CABIN1: variants seen among roughly 807,000 people sequenced by gnomAD.
CABIN1 encodes calcineurin-binding protein cabin-1.
Under a neutral mutation model 227.7 loss-of-function variants are expected in CABIN1, and 133 were observed. That is an observed-to-expected ratio of 0.58 (90% confidence interval 0.51 to 0.67). The LOEUF (loss-of-function observed/expected upper bound fraction) is 0.67, where lower values mean the gene tolerates loss of function less well. Ranked by LOEUF, CABIN1 falls within the 30% of genes least tolerant of loss-of-function variation. The pLI is 0.00. For synonymous variants in CABIN1, 1,086 were observed against 1,155.1 expected, an observed-to-expected ratio of 0.94 and a Z score of 1.21; for missense variants, 2,408 against 2,852.5, an observed-to-expected ratio of 0.84 and a Z score of 3.55.
intron 29 of CABIN1, among the ~76,000 whole-genome samples, chr22:24,163,529 A>ATTCTGGGCAGCAGTTT (rs2046275033): frequency 6.6e-6 from 1 of 152,124 alleles, no homozygotes; most frequent in Admixed American, 6.5e-5. Context: ...ACCTTGGTCC[A>ATTCTGGGCAGCAGTTT]TTCTGGGCAG....
At chr22:24,120,965 G>A (rs962930437) in intron 28 of CABIN1, among the ~76,000 whole-genome samples, 2 of 152,208 alleles carry the variant, frequency 1.3e-5, no homozygotes, top group African/African-American at 4.8e-5. Context: ...GACCTGTATT[G>A]TAGGGGACAG....
chr22:24,149,120 A>G (rs1467737390), intron 29 of CABIN1, among the ~76,000 whole-genome samples: 1 of 152,192 alleles, frequency 6.6e-6, no homozygotes, highest in Non-Finnish European at 1.5e-5. Context: ...GCAGCTGACA[A>G]GTGCTCCTGG....
intron 28 of CABIN1, among the ~76,000 whole-genome samples, chr22:24,126,427 C>T (rs1195302119): frequency 6.6e-6 from 1 of 152,138 alleles, no homozygotes; most frequent in African/African-American, 2.4e-5. Context: ...CAGATGGACA[C>T]ACACCCAAAA....
chr22:24,168,249 G>A (rs934734305), intron 32 of CABIN1, among the ~76,000 whole-genome samples, 198 bp from the exon 33 acceptor site: 2 of 152,254 alleles, frequency 1.3e-5, no homozygotes, highest in Non-Finnish European at 2.9e-5. Context: ...TACCCACGAA[G>A]AGCTGGGACG....
At chr22:24,118,397 C>G (rs754573513) in intron 27 of CABIN1, among the ~76,000 whole-genome samples, 75 of 152,274 alleles carry the variant, frequency 4.9e-4, no homozygotes, top group Non-Finnish European at 4.6e-4. Flanking sequence ...ACTTAGCATG[C>G]GGAGAACTGG....
At chr22:24,051,607 C>G (rs1171760732) in intron 8 of CABIN1, among the ~76,000 whole-genome samples, 3 of 152,118 alleles carry the variant, frequency 2.0e-5, no homozygotes, top group African/African-American at 7.2e-5. Context: ...TTAGCAGTAG[C>G]ATTCCATTTC....
At position 24,136,524 on chromosome 22, in the gene CABIN1, A is replaced by ATTTTTTTTTTTTTT. The variant is rs145864566; in HGVS notation, c.4746+2120_4746+2133dup. On this transcript the variant is annotated intron_variant, in intron 29 of 36. Transcript: ENST00000263119. Reference sequence around the variant, plus strand: ...ACTGCCACGCCCAGCTAATTTTTGTATTTTTTTTTTTTTTTTTTTTTTTTA... The same window carrying ATTTTTTTTTTTTTT: ...ACTGCCACGCCCAGCTAATTTTTGTATTTTTTTTTTTTTTTTTTTTTTTTTTTTTTTTTTTTTTA... Among the ~76,000 whole-genome samples the ATTTTTTTTTTTTTT allele has an allele frequency of 5.7e-3, 401 of 69,856 alleles. 35 individuals are homozygous for ATTTTTTTTTTTTTT. Among genetic ancestry groups the ATTTTTTTTTTTTTT allele is most frequent in the African/African-American group, 0.014 (238 of 16,468 alleles). The allele number at this position is 69,856 out of a possible 152,430, so 45.8% of individuals were successfully genotyped here. A position where few individuals can be genotyped will look rare whatever the true frequency, so the allele number is the denominator to read the frequency against.
chr22:24,155,140 C>A (rs1157647808), intron 29 of CABIN1, among the ~76,000 whole-genome samples: 3 of 152,100 alleles, frequency 2.0e-5, no homozygotes, highest in Non-Finnish European at 2.9e-5. Flanking sequence ...GAGGAGCAGC[C>A]AGGAGTTGGT....
chr22:24,055,772 A>G (rs1202987578), intron 9 of CABIN1, among the ~76,000 whole-genome samples: 2 of 152,132 alleles, frequency 1.3e-5, no homozygotes, highest in Non-Finnish European at 2.9e-5. Context: ...ACATTCTTCT[A>G]TTGTCCATAT....
At chr22:24,135,353 GCACTCCAGC>G (rs146353656) in intron 29 of CABIN1, among the ~76,000 whole-genome samples, 3,241 of 152,244 alleles carry the variant, frequency 0.021, 131 homozygotes, top group African/African-American at 0.073. Context: ...TGGTGCCATT[GCACTCCAGC>G]CGGGGAGACA....
chr22:24,072,351 C>T lies in CABIN1; in HGVS notation c.2476-3C>T. 2 of 1,614,154 alleles carry T rather than the reference C, an allele frequency of 1.2e-6. No homozygotes were observed. Among genetic ancestry groups the T allele is most frequent in the South Asian group, 2.2e-5 (2 of 91,084 alleles). On this transcript the variant is annotated splice_region_variant and splice_polypyrimidine_tract_variant and intron_variant, in intron 17 of 36. Transcript: ENST00000263119. The stretch of plus-strand genomic sequence containing the variant: ...TCTGCTGTCTCCCACCCCGCACTGT[C>T]AGGTCATTGACTGCAGCATGGCTGT...
intron 29 of CABIN1, among the ~76,000 whole-genome samples, chr22:24,149,971 C>T (rs990309372): frequency 6.6e-5 from 10 of 152,344 alleles, no homozygotes; most frequent in Admixed American, 6.5e-5. Flanking sequence ...CATGAGGCCT[C>T]GGCCTGATGG....
intron 17 of CABIN1, 49 bp downstream of exon 17, chr22:24,071,091 C>G (rs1409867258): frequency 3.7e-6 from 6 of 1,611,496 alleles, no homozygotes; most frequent in Non-Finnish European, 5.1e-6. Flanking sequence ...AGGTATGTCT[C>G]TGTGACATCC....
Position 24,042,927 on chromosome 22 carries a change from T to C in CABIN1, c.369T>C (p.Asp123=). The C allele has an allele frequency of 6.2e-7, 1 of 1,606,290 alleles. No homozygotes were observed. Among genetic ancestry groups the C allele is most frequent in the Non-Finnish European group, 8.5e-7 (1 of 1,175,932 alleles). Residue 123 remains aspartate (D), a synonymous_variant, in exon 6 of 37, where the codon GAT becomes GAC. Coordinates refer to ENST00000263119, the MANE Select transcript of CABIN1 (RefSeq NM_012295.4). ...YLEAVMLDST[D]VNLWYKIGHV... is the part of the protein sequence containing the mutation. Reference sequence around the variant, plus strand: ...AGGCAGTGATGCTGGACTCCACAGATGTCAACCTCTGGTATAAGATTGGAC... The same window carrying C: ...AGGCAGTGATGCTGGACTCCACAGACGTCAACCTCTGGTATAAGATTGGAC...
intron 6 of CABIN1, among the ~76,000 whole-genome samples, chr22:24,044,770 A>G (rs544205798): frequency 3.3e-5 from 5 of 152,300 alleles, no homozygotes; most frequent in African/African-American, 1.2e-4. Flanking sequence ...TTCATTGTCC[A>G]ATAGCATGTT....
In CABIN1 at chr22:24,038,370, A is replaced by G; in HGVS notation, c.119A>G (p.Tyr40Cys). ...CAGGAAGCAGAGGCTTTTGCATTGT[A>G]CCACAAGGCCCTTGATCTGCAGAAA... ...EAQEAEAFALYHKALDLQKHD... is the reference protein window; with the variant it reads ...EAQEAEAFALCHKALDLQKHD... Residue 40 changes from tyrosine (Y) to cysteine (C), a missense_variant, in exon 4 of 37, where the codon TAC (tyrosine) becomes TGC (cysteine). Tyr to Cys is a radical substitution (Grantham distance 194). Around this residue, in one of 3 missense-constraint regions of CABIN1, gnomAD observed 1,045 missense variants for 1,168.4 expected, o/e 0.89. Transcript: ENST00000263119. The G allele has an allele frequency of 6.2e-7, 1 of 1,613,978 alleles. No individual in the cohort carries two copies. Among genetic ancestry groups the G allele is most frequent in the Non-Finnish European group, 8.5e-7 (1 of 1,179,858 alleles).
At position 24,169,000 on chromosome 22, in the gene CABIN1, G is replaced by A. The variant is rs149418007; in HGVS notation, c.5757+479G>A. Among the ~76,000 whole-genome samples the A allele has an allele frequency of 5.7e-3, 867 of 152,226 alleles. 2 individuals are homozygous for A. Among genetic ancestry groups the A allele is most frequent in the Middle Eastern group, 0.017 (5 of 294 alleles). The stretch of plus-strand genomic sequence containing the variant: ...GGAGTCCTGGAGTTTATTAAGCAGG[G>A]AGGAAGCAAGGCAGCAACACTCCTG... On this transcript the variant is annotated intron_variant, in intron 33 of 36. Coordinates refer to ENST00000263119, the MANE Select transcript of CABIN1 (RefSeq NM_012295.4).
intron 32 of CABIN1, among the ~76,000 whole-genome samples, chr22:24,167,774 A>G (rs2046540708): frequency 6.6e-6 from 1 of 152,156 alleles, no homozygotes; most frequent in African/African-American, 2.4e-5. Flanking sequence ...ACTGGTTCAG[A>G]TGGGATGACC....
At chr22:24,147,002 AGC>A (rs1359270636) in intron 29 of CABIN1, among the ~76,000 whole-genome samples, 1 of 152,214 alleles carries the variant, frequency 6.6e-6, no homozygotes, top group Non-Finnish European at 1.5e-5. Context: ...GTTTCTGCCC[AGC>A]CTATCAGAAG....
Sources: allele counts gnomAD v4.1 joint callset (sites outside exome capture counted in the v4.1 genomes callset), GRCh38; gene constraint gnomAD v4.1.1; regional missense constraint gnomAD v4.1.1; transcripts MANE v1.5; gene names NCBI Gene and HGNC (gene_info 2026-07-23, HGNC 2026-07-21).